The following CCSER1 variants were observed in gnomAD, a reference collection of about 807,000 sequenced individuals.
The protein encoded by CCSER1 is coiled-coil serine rich protein 1, also known as serine-rich coiled-coil domain-containing protein 1.
Under a neutral mutation model 82.0 loss-of-function variants are expected in CCSER1, and 41 were observed. The observed-to-expected ratio is 0.50, with a 90% confidence interval of 0.39 to 0.65. CCSER1 has a LOEUF of 0.65. Ranked by LOEUF, CCSER1 falls within the 30% of genes least tolerant of loss-of-function variation. The pLI is 0.00. For synonymous variants in CCSER1, 414 were observed against 383.9 expected (o/e 1.08, Z -0.92); for missense variants, 1,119 against 1,064.2 (o/e 1.05, Z -0.72).
intron 1 of CCSER1, among the ~76,000 whole-genome samples, chr4:90,249,632 T>C (rs1479352360): frequency 2.6e-5 from 4 of 152,184 alleles, no homozygotes; most frequent in Non-Finnish European, 1.5e-5. Context: ...CTTAGCATAA[T>C]GTTTTCAAGG....
intron 10 of CCSER1, among the ~76,000 whole-genome samples, chr4:91,208,630 T>C (rs549052691): frequency 1.3e-5 from 2 of 151,508 alleles, no homozygotes; most frequent in East Asian, 1.9e-4. Flanking sequence ...GTTACTGTAG[T>C]ATAGTTTGAA....
chr4:90,979,714 A>C (rs1735935154), intron 9 of CCSER1, among the ~76,000 whole-genome samples: 1 of 151,776 alleles, frequency 6.6e-6, no homozygotes, highest in Non-Finnish European at 1.5e-5. Context: ...TGATTGTGGA[A>C]GGCATGGCCA....
chr4:90,849,293 C>A (rs913243402), intron 8 of CCSER1, among the ~76,000 whole-genome samples: 1 of 152,226 alleles, frequency 6.6e-6, no homozygotes, highest in African/African-American at 2.4e-5. Context: ...AGATGAGGAA[C>A]TTGTTGGGAA....
chr4:90,276,253 T>TCTTTCTTTCTTTCTTTCTTTCTTTCTTC (rs1727680914), intron 1 of CCSER1, among the ~76,000 whole-genome samples: 4 of 79,030 alleles, frequency 5.1e-5, no homozygotes, highest in African/African-American at 2.2e-4. Context: ...TTTCTTTCTT[T>TCTTTCTTTCTTTCTTTCTTTCTTTCTTC]CCTTCCTTCC....
At chr4:91,168,645 G>C (rs1034315770) in intron 10 of CCSER1, among the ~76,000 whole-genome samples, 2 of 152,080 alleles carry the variant, frequency 1.3e-5, no homozygotes, top group Non-Finnish European at 2.9e-5. Flanking sequence ...CTTCTGGGAA[G>C]TGAGGAGTGC....
intron 10 of CCSER1, among the ~76,000 whole-genome samples, chr4:91,450,618 A>G (rs899871518): frequency 1.3e-5 from 2 of 152,074 alleles, no homozygotes; most frequent in Admixed American, 1.3e-4. Flanking sequence ...GAACCTAAAC[A>G]GAGCTCAGTT....
At chr4:91,413,383 C>A (rs1429365158) in intron 10 of CCSER1, among the ~76,000 whole-genome samples, 1 of 151,868 alleles carries the variant, frequency 6.6e-6, no homozygotes, top group Non-Finnish European at 1.5e-5. Context: ...TCACTGGTGC[C>A]CAGAAATTCA....
chr4:91,300,466 C>G (rs1233751922), intron 10 of CCSER1, among the ~76,000 whole-genome samples: 1 of 151,712 alleles, frequency 6.6e-6, no homozygotes, highest in Non-Finnish European at 1.5e-5. Context: ...GAGTTAATTG[C>G]TTTCAGAGGC....
intron 10 of CCSER1, among the ~76,000 whole-genome samples, chr4:91,437,634 C>A (rs961102831): frequency 6.6e-6 from 1 of 152,188 alleles, no homozygotes; most frequent in Non-Finnish European, 1.5e-5. Flanking sequence ...GGGCGCAGGA[C>A]AGTGGGTGCA....
chr4:91,426,253 T>C (rs1753966123), intron 10 of CCSER1, among the ~76,000 whole-genome samples: 1 of 152,238 alleles, frequency 6.6e-6, no homozygotes, highest in Non-Finnish European at 1.5e-5. Flanking sequence ...TTCCATGGTG[T>C]TTATGTGCCA....
At chr4:90,398,131 A>G (rs753583651) in intron 3 of CCSER1, among the ~76,000 whole-genome samples, 2 of 152,132 alleles carry the variant, frequency 1.3e-5, no homozygotes, top group African/African-American at 4.8e-5. Flanking sequence ...GTGAATTCAC[A>G]TGGTTCATCA....
chr4:90,565,723 T>G (rs2153650605), intron 5 of CCSER1, among the ~76,000 whole-genome samples: 1 of 152,360 alleles, frequency 6.6e-6, no homozygotes, highest in Non-Finnish European at 1.5e-5. Context: ...TGAAAATATT[T>G]TGAATTTTAT....
chr4:90,461,293 T>A (rs1248592082), intron 4 of CCSER1, among the ~76,000 whole-genome samples: 1 of 147,318 alleles, frequency 6.8e-6, no homozygotes, highest in African/African-American at 2.6e-5. Context: ...GGTCTCGATC[T>A]CCTGACCTCG....
At chr4:90,195,566 C>T (rs879405860) in intron 1 of CCSER1, among the ~76,000 whole-genome samples, 14 of 152,030 alleles carry the variant, frequency 9.2e-5, no homozygotes, top group Admixed American at 4.6e-4. Context: ...CCATAGGATA[C>T]GCAAGACCAA....
At chr4:91,482,930 A>T (rs1226351281) in intron 10 of CCSER1, among the ~76,000 whole-genome samples, 1 of 150,602 alleles carries the variant, frequency 6.6e-6, no homozygotes, top group Non-Finnish European at 1.5e-5. Context: ...AACATCACAC[A>T]CCAGGGCCTG....
intron 5 of CCSER1, among the ~76,000 whole-genome samples, chr4:90,574,020 GT>G (rs986454504): frequency 0.018 from 2,605 of 144,408 alleles, 76 homozygotes; most frequent in African/African-American, 0.062. Flanking sequence ...GAAGGATATT[GT>G]TTTTTTTTTA....
chr4:90,719,997 C>T (rs1228610716), intron 6 of CCSER1, among the ~76,000 whole-genome samples: 3 of 152,062 alleles, frequency 2.0e-5, no homozygotes, highest in African/African-American at 2.4e-5. Context: ...AAAAATGGGT[C>T]TCTTCTCCCG....
chr4:90,700,999 T>C (rs978619543), intron 6 of CCSER1, among the ~76,000 whole-genome samples: 1 of 152,182 alleles, frequency 6.6e-6, no homozygotes, highest in Non-Finnish European at 1.5e-5. Context: ...TAGATCCCAT[T>C]TGTCAATTTT....
At chr4:90,170,166 G>A (rs925190332) in intron 1 of CCSER1, among the ~76,000 whole-genome samples, 1 of 151,918 alleles carries the variant, frequency 6.6e-6, no homozygotes, top group African/African-American at 2.4e-5. Flanking sequence ...TCTATTACCA[G>A]GCAAAGGTGG....
Sources: gnomAD v4.1 joint callset for allele counts (sites outside exome capture counted in the v4.1 genomes callset) on GRCh38, gnomAD v4.1.1 for gene constraint, MANE v1.5 for transcripts, NCBI Gene and HGNC (gene_info 2026-07-23, HGNC 2026-07-21) for gene names.